The following ARHGAP42 variants were observed in gnomAD, a reference collection of about 807,000 sequenced individuals.
ARHGAP42 encodes rho GTPase-activating protein 42.
In ARHGAP42, 63 loss-of-function variants were observed where a neutral mutation model predicts 125.0. The ratio of observed to expected loss-of-function variants is 0.50; its 90% CI spans 0.41 to 0.62. The LOEUF is 0.62. ARHGAP42 is among the 20% of genes least tolerant of loss of function. The probability of loss-of-function intolerance (pLI) is 0.00; values close to 1 mark genes in which losing one functional copy is unlikely to be tolerated. For synonymous variants in ARHGAP42, 339 were observed against 351.0 expected, an observed-to-expected ratio of 0.97 and a Z score of 0.38; for missense variants, 766 against 1,024.2, an observed-to-expected ratio of 0.75 and a Z score of 3.44.
intron 3 of ARHGAP42, among the ~76,000 whole-genome samples, chr11:100,852,143 C>T (rs1450631647): frequency 1.3e-5 from 2 of 152,116 alleles, no homozygotes; most frequent in Non-Finnish European, 1.5e-5. Context: ...TCTCTCCTGT[C>T]CTCCTCTTTA....
chr11:100,838,512 G>T (rs1864867907), intron 3 of ARHGAP42, among the ~76,000 whole-genome samples: 1 of 151,914 alleles, frequency 6.6e-6, no homozygotes. Context: ...TTCAAAACTA[G>T]CCTGGGTAAT....
intron 10 of ARHGAP42, among the ~76,000 whole-genome samples, chr11:100,947,351 T>G (rs652559): frequency 0.88 from 133,901 of 151,792 alleles, 59,159 homozygotes; most frequent in East Asian, 1. Context: ...TTTGTGTAGA[T>G]ATTTCTGGAT....
chr11:100,825,052 G>A (rs1864483633), intron 3 of ARHGAP42, among the ~76,000 whole-genome samples: 1 of 152,160 alleles, frequency 6.6e-6, no homozygotes, highest in South Asian at 2.1e-4. Flanking sequence ...TTGTAACTCT[G>A]AAATAGTAAT....
intron 7 of ARHGAP42, among the ~76,000 whole-genome samples, chr11:100,935,850 T>G (rs1333283798): frequency 1.3e-5 from 2 of 152,092 alleles, no homozygotes; most frequent in Non-Finnish European, 2.9e-5. Context: ...TTTGAAACAT[T>G]TTTCTGGGCC....
intron 1 of ARHGAP42, among the ~76,000 whole-genome samples, chr11:100,700,301 T>C (rs1213018219): frequency 6.6e-6 from 1 of 152,206 alleles, no homozygotes; most frequent in African/African-American, 2.4e-5. Context: ...TAAGGGTCTT[T>C]CCTTGATGTT....
intron 3 of ARHGAP42, among the ~76,000 whole-genome samples, chr11:100,832,452 A>G (rs1421132427): frequency 3.3e-5 from 5 of 152,230 alleles, no homozygotes; most frequent in Non-Finnish European, 5.9e-5. Context: ...TTTATTTAAA[A>G]CAATTCAAAT....
At chr11:100,848,354 G>A (rs566356972) in intron 3 of ARHGAP42, among the ~76,000 whole-genome samples, 1 of 152,154 alleles carries the variant, frequency 6.6e-6, no homozygotes, top group African/African-American at 2.4e-5. Context: ...GTTACAAACC[G>A]GATGTGATTA....
At chr11:100,860,801 A>G (rs1433399454) in intron 4 of ARHGAP42, among the ~76,000 whole-genome samples, 1 of 152,182 alleles carries the variant, frequency 6.6e-6, no homozygotes, top group Non-Finnish European at 1.5e-5. Context: ...TGCCTTGATT[A>G]GAATTTTATG....
chr11:100,722,201 T>C (rs968942693), intron 1 of ARHGAP42, among the ~76,000 whole-genome samples: 6 of 152,180 alleles, frequency 3.9e-5, no homozygotes, highest in Non-Finnish European at 1.5e-5. Flanking sequence ...ACATATAACA[T>C]TGAGCATCTT....
In ARHGAP42 at chr11:100,939,781, A is replaced by C. The variant is rs79554474; in HGVS notation, c.833-2003A>C. Among the ~76,000 whole-genome samples, 1,111 of 152,306 alleles carry C rather than the reference A, an allele frequency of 7.3e-3. 18 individuals are homozygous for C. The highest frequency in any genetic ancestry group is 0.025 in the African/African-American group (1,041 of 41,570). ...ATCTGCCCTGGCCTAGTGCCAGTCA[A>C]CTTTAAAGAAAGCAGCATGTGTTTG... On this transcript the variant is annotated intron_variant, in intron 8 of 23. Transcript: ENST00000298815.
intron 2 of ARHGAP42, among the ~76,000 whole-genome samples, chr11:100,791,683 C>G (rs1473072700): frequency 6.9e-6 from 1 of 144,038 alleles, no homozygotes; most frequent in Non-Finnish European, 1.5e-5. Context: ...CCTGAAAAAT[C>G]AACAAAAAAA....
chr11:100,970,327 AT>A (rs1858206137), intron 17 of ARHGAP42, among the ~76,000 whole-genome samples: 1 of 152,016 alleles, frequency 6.6e-6, no homozygotes, highest in Non-Finnish European at 1.5e-5. Context: ...AATGAAGTCT[AT>A]TTCCCCCTCT....
At chr11:100,840,381 T>C (rs1051605532) in intron 3 of ARHGAP42, among the ~76,000 whole-genome samples, 1 of 152,152 alleles carries the variant, frequency 6.6e-6, no homozygotes, top group African/African-American at 2.4e-5. Flanking sequence ...CTCTCAGAGG[T>C]GACTCAACAG....
At chr11:100,704,368 C>G (rs895418361) in intron 1 of ARHGAP42, among the ~76,000 whole-genome samples, 1 of 152,158 alleles carries the variant, frequency 6.6e-6, no homozygotes, top group Non-Finnish European at 1.5e-5. Flanking sequence ...AAGTGAAGCA[C>G]AGGCCGGAAA....
chr11:100,983,222 T>G (rs673125), intron 22 of ARHGAP42, among the ~76,000 whole-genome samples: 137,002 of 152,204 alleles, frequency 0.9, 61,859 homozygotes, highest in East Asian at 1. Context: ...AATTCAAACA[T>G]AACATTTTAA....
intron 3 of ARHGAP42, among the ~76,000 whole-genome samples, chr11:100,799,810 T>A (rs1863809208): frequency 6.6e-6 from 1 of 152,168 alleles, no homozygotes; most frequent in Admixed American, 6.5e-5. Flanking sequence ...CTGAAGAGAC[T>A]TTGTAGGCAT....
rs184120508 is a variant in ARHGAP42 at position 100,889,210 on chromosome 11, A to G, written c.385-24242A>G. 1.1e-4 allele frequency among the ~76,000 whole-genome samples: 16 copies of G among 152,340 alleles called. No individual in the cohort carries two copies. The East Asian group carries it at 3.1e-3, about 29-fold the overall frequency. On this transcript the variant is annotated intron_variant, in intron 4 of 23. Coordinates refer to ENST00000298815, the MANE Select transcript of ARHGAP42 (RefSeq NM_152432.4). ...TACAACAGAAATAAATGAAGATTAA[A>G]GAGTGCTATGGTCTGAATGTGTCTC...
At chr11:100,962,025 T>C (rs931292781) in intron 15 of ARHGAP42, among the ~76,000 whole-genome samples, 2 of 152,220 alleles carry the variant, frequency 1.3e-5, no homozygotes, top group African/African-American at 4.8e-5. Context: ...CATATGTATA[T>C]GGGATTTTTA....
In ARHGAP42 at chr11:100,973,325, C is replaced by T. The variant is rs1170309825; in HGVS notation, c.1701C>T (p.His567=). Residue 567 remains histidine (H), a synonymous_variant, in exon 18 of 24, where the codon CAC becomes CAT. Transcript: ENST00000298815. ...TTGTGGTAGAAATTCTGATAGAGCA[C>T]TATGAAAAGGTAGGCGGAATTTTCA... The part of the protein sequence containing the change: ...QNIVVEILIE[H]YEKIFHTAPD... 1.9e-6 allele frequency: 3 copies of T among 1,549,056 alleles called. No homozygotes were observed. The highest frequency in any genetic ancestry group is 1.4e-5 in the African/African-American group (1 of 72,894).
Sources: gnomAD v4.1 joint callset for allele counts (sites outside exome capture counted in the v4.1 genomes callset) on GRCh38, gnomAD v4.1.1 for gene constraint, MANE v1.5 for transcripts, NCBI Gene and HGNC (gene_info 2026-07-23, HGNC 2026-07-21) for gene names.